DERA: variants seen among roughly 807,000 people sequenced by gnomAD.
DERA encodes 2-deoxy-D-ribose 5-phosphate aldolase.
In DERA, 15 loss-of-function variants were observed where a neutral mutation model predicts 41.1. The ratio of observed to expected loss-of-function variants is 0.37; its 90% CI spans 0.24 to 0.56. DERA has a LOEUF of 0.56. Ranked by LOEUF, DERA falls within the 20% of genes least tolerant of loss-of-function variation. The pLI is 0.81. For missense variants in DERA, 396 were observed against 403.4 expected, an observed-to-expected ratio of 0.98 and a Z score of 0.16; for synonymous variants, 139 against 137.4, an observed-to-expected ratio of 1.01 and a Z score of -0.08.
rs142435227 is a variant in DERA, at chr12:16,036,393, T to C, written c.900+12T>C. The C allele has an allele frequency of 9.3e-3, 14,730 of 1,575,976 alleles. 88 individuals are homozygous for C. The highest frequency in any genetic ancestry group is 0.011 in the Non-Finnish European group (12,715 of 1,165,136). ...ACATTGAGAGGCAGGTGAGTAATCA[T>C]CTCTGTCTTTGGAATAAATTAACAA... is the stretch of plus-strand genomic sequence containing the variant. On this transcript the variant is annotated intron_variant, in intron 8 of 8. Coordinates refer to ENST00000428559, the MANE Select transcript of DERA (RefSeq NM_015954.4). This position sits in a 1 kb window ranked among gnomAD's most constrained non-coding sequence, Gnocchi z 4.9.
intron 1 of DERA, among the ~76,000 whole-genome samples, chr12:15,953,098 C>G (rs573975898): frequency 6.6e-6 from 1 of 152,156 alleles, no homozygotes; most frequent in Admixed American, 6.5e-5. Flanking sequence ...TCTGTGGTGA[C>G]CAAAAATGTC....
Position 15,992,758 on chromosome 12 carries a change from A to C in DERA, c.637+10322A>C, listed in dbSNP as rs905351267. ...GGATTTCAGCCCAGCAAATGCACACATTAAGAATAATGCCAGAATGTAGAA... is the reference window on the plus strand; with the variant it reads ...GGATTTCAGCCCAGCAAATGCACACCTTAAGAATAATGCCAGAATGTAGAA... On this transcript the variant is annotated intron_variant, in intron 6 of 8. Transcript: ENST00000428559. This position sits in a 1 kb window ranked among gnomAD's most constrained non-coding sequence, Gnocchi z 4.3. Among the ~76,000 whole-genome samples the C allele has an allele frequency of 6.6e-6, 1 of 152,226 alleles. No homozygotes were observed. The highest frequency in any genetic ancestry group is 1.5e-5 in the Non-Finnish European group (1 of 68,032).
intron 1 of DERA, among the ~76,000 whole-genome samples, chr12:15,939,952 A>G (rs1309541243): frequency 4.6e-5 from 7 of 152,256 alleles, no homozygotes; most frequent in Non-Finnish European, 1.0e-4. Context: ...CTATGGAAGC[A>G]TATTTGGATG....
At chr12:15,969,336 C>T (rs550940986) in intron 5 of DERA, among the ~76,000 whole-genome samples, 1 of 152,288 alleles carries the variant, frequency 6.6e-6, no homozygotes, top group East Asian at 1.9e-4. Context: ...CAGGGAAATG[C>T]TATCAGATTG....
At chr12:15,969,326 C>G (rs1934860207) in intron 5 of DERA, among the ~76,000 whole-genome samples, 1 of 152,104 alleles carries the variant, frequency 6.6e-6, no homozygotes, top group Non-Finnish European at 1.5e-5. Context: ...TTACCAGTGA[C>G]AGGGAAATGC....
At position 15,924,531 on chromosome 12, in the gene DERA, G is replaced by A. The variant is rs1948268230; in HGVS notation, c.31+13117G>A. ...TATAGAGATCTGTGTTTCCATCTTA[G>A]CCCTGACAAGTATGGTGTGACCTTG... On this transcript the variant is annotated intron_variant, in intron 1 of 8. Transcript: ENST00000428559. This position sits in a 1 kb window ranked among gnomAD's most constrained non-coding sequence, Gnocchi z 5.0. Among the ~76,000 whole-genome samples, 1 of 152,244 alleles carries A rather than the reference G, an allele frequency of 6.6e-6. No individual in the cohort carries two copies. The highest frequency in any genetic ancestry group is 3.4e-3 in the Middle Eastern group (1 of 294).
rs1948839360 is a variant in DERA, at chr12:15,996,556, C to CA, written c.637+14121dup. Among the ~76,000 whole-genome samples, 1 of 152,104 alleles carries CA rather than the reference C, an allele frequency of 6.6e-6. No homozygotes were observed. Among genetic ancestry groups the CA allele is most frequent in the South Asian group, 2.1e-4 (1 of 4,820 alleles). On this transcript the variant is annotated intron_variant, in intron 6 of 8. Transcript: ENST00000428559. This position sits in a 1 kb window ranked among gnomAD's most constrained non-coding sequence, Gnocchi z 4.7. ...TCTTCTCCTCTTCTTATAAGGAAAC[C>CA]AGTAATGTAATGGCCCACCTTACTC...
At chr12:15,962,997 A>G in intron 5 of DERA, 50 bp downstream of exon 5, 1 of 1,573,602 alleles carries the variant, frequency 6.4e-7, no homozygotes, top group Non-Finnish European at 8.6e-7. Flanking sequence ...TCCCTGGTGA[A>G]TCAGATGATG....
chr12:15,996,662 A>C lies in DERA; in HGVS notation c.637+14226A>C, dbSNP rs1948840192. ...TCTCTTCCTGAGGTATTGAGGGGTG[A>C]GATTTTGACATCTCTTTTTTGGGGG... On this transcript the variant is annotated intron_variant, in intron 6 of 8. Transcript: ENST00000428559. The surrounding 1 kb of genome is among the most constrained non-coding windows in gnomAD (Gnocchi z 4.7). 1.3e-5 allele frequency among the ~76,000 whole-genome samples: 2 copies of C among 152,164 alleles called. No individual in the cohort carries two copies. Among genetic ancestry groups the C allele is most frequent in the African/African-American group, 4.8e-5 (2 of 41,440 alleles).
Position 15,998,311 on chromosome 12 carries a change from CTTTATTTA to C in DERA, c.637+15892_637+15899del, listed in dbSNP as rs58100447. The stretch of plus-strand genomic sequence containing the variant: ...CTAATGTTAACACAGGAAGTCTTTC[CTTTATTTA>C]TTTATTTATTTATTTAGAGACGGAG... On this transcript the variant is annotated intron_variant, in intron 6 of 8. Transcript: ENST00000428559. The surrounding 1 kb of genome is among the most constrained non-coding windows in gnomAD (Gnocchi z 4.8). 0.065 allele frequency among the ~76,000 whole-genome samples: 9,789 copies of C among 151,606 alleles called. 1,012 individuals are homozygous for C. Among genetic ancestry groups the C allele is most frequent in the African/African-American group, 0.22 (9,018 of 41,246 alleles).
At position 15,990,403 on chromosome 12, in the gene DERA, G is replaced by A. The variant is rs1391088921; in HGVS notation, c.637+7967G>A. Among the ~76,000 whole-genome samples, 4 of 152,152 alleles carry A rather than the reference G, an allele frequency of 2.6e-5. No homozygotes were observed. Among genetic ancestry groups the A allele is most frequent in the Non-Finnish European group, 4.4e-5 (3 of 67,992 alleles). On this transcript the variant is annotated intron_variant, in intron 6 of 8. Transcript: ENST00000428559. The surrounding 1 kb of genome is among the most constrained non-coding windows in gnomAD (Gnocchi z 4.3). ...ATGTGGTCTAGTTAATGATATGTTT[G>A]TGGTACGCTACTTTCCATGTTCTTT...
In DERA at chr12:15,996,638, C is replaced by A. The variant is rs972577973; in HGVS notation, c.637+14202C>A. On this transcript the variant is annotated intron_variant, in intron 6 of 8. Transcript: ENST00000428559. The surrounding 1 kb of genome is among the most constrained non-coding windows in gnomAD (Gnocchi z 4.7). ...CAGTGGCCCTCTTTCCAAATAAGGT[C>A]TCTTCCTGAGGTATTGAGGGGTGAG... Among the ~76,000 whole-genome samples the A allele has an allele frequency of 2.6e-5, 4 of 152,132 alleles. No individual in the cohort carries two copies. The highest frequency in any genetic ancestry group is 9.7e-5 in the African/African-American group (4 of 41,422).
intron 6 of DERA, among the ~76,000 whole-genome samples, chr12:16,029,913 C>CCTTTTT: frequency 1.7e-5 from 1 of 59,688 alleles, no homozygotes; most frequent in Non-Finnish European, 2.9e-5. Context: ...TAGCCTTGGT[C>CCTTTTT]TTTTTTTTTT....
chr12:15,959,812 C>G lies in DERA; in HGVS notation c.278-17C>G. The G allele has an allele frequency of 6.6e-7, 1 of 1,521,694 alleles. No individual in the cohort carries two copies. Among genetic ancestry groups the G allele is most frequent in the Non-Finnish European group, 8.9e-7 (1 of 1,124,360 alleles). 94.3% of individuals were successfully genotyped at this position (1,521,694 alleles called of 1,614,324 possible). On this transcript the variant is annotated splice_polypyrimidine_tract_variant and intron_variant, in intron 3 of 8. Coordinates refer to ENST00000428559, the MANE Select transcript of DERA (RefSeq NM_015954.4). This position sits in a 1 kb window ranked among gnomAD's most constrained non-coding sequence, Gnocchi z 4.5. ...GAACTTCATTGAAAGTTGGCTATTC[C>G]TATTTTTTCTTGATAGGCATTACTA...
chr12:15,970,379 A>T lies in DERA; in HGVS notation c.508+7432A>T, dbSNP rs900230299. ...ACAGTCTTTAAACGCTTGGATTCTT[A>T]CTTAAATCATAATTTTATACATATA... On this transcript the variant is annotated intron_variant, in intron 5 of 8. Transcript: ENST00000428559. The surrounding 1 kb of genome is among the most constrained non-coding windows in gnomAD (Gnocchi z 4.3). Among the ~76,000 whole-genome samples the T allele has an allele frequency of 1.4e-4, 21 of 152,176 alleles. No individual in the cohort carries two copies. Among genetic ancestry groups the T allele is most frequent in the African/African-American group, 4.8e-4 (20 of 41,454 alleles).
In DERA at chr12:15,936,788, C is replaced by T. The variant is rs977299715; in HGVS notation, c.32-20148C>T. Among the ~76,000 whole-genome samples, 33 of 152,066 alleles carry T rather than the reference C, an allele frequency of 2.2e-4. No homozygotes were observed. The highest frequency in any genetic ancestry group is 6.8e-4 in the African/African-American group (28 of 41,468). ...GTTTTGTGTAGATTGTCTCACCACC[C>T]GGATTTGTCTGATTATTTTCTAGTG... On this transcript the variant is annotated intron_variant, in intron 1 of 8. Transcript: ENST00000428559. The surrounding 1 kb of genome is among the most constrained non-coding windows in gnomAD (Gnocchi z 4.6).
At position 15,995,299 on chromosome 12, in the gene DERA, A is replaced by G. The variant is rs771097567; in HGVS notation, c.637+12863A>G. ...ATAGGAGTTGGTGAACATGAAATCA[A>G]TATAAAAGAGAAAAATGACAGCAAG... On this transcript the variant is annotated intron_variant, in intron 6 of 8. Coordinates refer to ENST00000428559, the MANE Select transcript of DERA (RefSeq NM_015954.4). This position sits in a 1 kb window ranked among gnomAD's most constrained non-coding sequence, Gnocchi z 5.1. Among the ~76,000 whole-genome samples the G allele has an allele frequency of 6.6e-6, 1 of 152,198 alleles. No homozygotes were observed. Among genetic ancestry groups the G allele is most frequent in the Non-Finnish European group, 1.5e-5 (1 of 68,026 alleles).
chr12:15,980,289 A>G (rs2136160965), intron 5 of DERA, among the ~76,000 whole-genome samples: 1 of 152,354 alleles, frequency 6.6e-6, no homozygotes, highest in Non-Finnish European at 1.5e-5. Context: ...AAGGTCCCAC[A>G]GGAAATGATG....
At chr12:16,002,830 T>C (rs1212210676) in intron 6 of DERA, among the ~76,000 whole-genome samples, 4 of 152,212 alleles carry the variant, frequency 2.6e-5, no homozygotes, top group Non-Finnish European at 5.9e-5. Context: ...GTTTCTTGGC[T>C]ATGTCCTCCT....
Sources: gnomAD v4.1 joint callset for allele counts (sites outside exome capture counted in the v4.1 genomes callset) on GRCh38, gnomAD v4.1.1 for gene constraint, Gnocchi (gnomAD v3.1) non-coding constraint, MANE v1.5 for transcripts, NCBI Gene and HGNC (gene_info 2026-07-23, HGNC 2026-07-21) for gene names.